The following BBX variants were observed in gnomAD, a reference collection of about 807,000 sequenced individuals.
The protein encoded by BBX is HMG box transcription factor BBX.
A neutral mutation model predicts 100.2 loss-of-function variants in BBX; 30 were observed. The observed-to-expected ratio is 0.30, with a 90% confidence interval of 0.22 to 0.41. The LOEUF is 0.41. BBX is among the 10% of genes least tolerant of loss of function. The pLI is 1.00. For missense variants in BBX, 1,023 were observed against 1,129.8 expected (o/e 0.91, Z 1.35); for synonymous variants, 376 against 388.1 (o/e 0.97, Z 0.37).
At chr3:107,524,713 TGTGTAGG>T (rs1488177845) in intron 1 of BBX, 3 of 141,512 alleles carry the variant, frequency 2.1e-5, no homozygotes, top group Admixed American at 1.5e-4. Context: ...TCCTTCCCAG[TGTGTAGG>T]GTCTAGTCAA....
intron 13 of BBX, among the ~76,000 whole-genome samples, chr3:107,787,954 A>C (rs2068608394): frequency 6.6e-6 from 1 of 152,088 alleles, no homozygotes; most frequent in African/African-American, 2.4e-5. Context: ...GACTCAAAGG[A>C]AAGGAGTGGC....
intron 13 of BBX, among the ~76,000 whole-genome samples, chr3:107,788,033 C>T (rs1471026430): frequency 6.6e-6 from 1 of 152,178 alleles, no homozygotes; most frequent in African/African-American, 2.4e-5. Flanking sequence ...TATAAGATTG[C>T]TGACTTTTCA....
At chr3:107,661,947 A>G in intron 3 of BBX, 1 of 965,710 alleles carries the variant, frequency 1.0e-6, no homozygotes, top group Middle Eastern at 5.3e-4. Context: ...CCACTGTAGT[A>G]AGTCATTCAG....
intron 7 of BBX, among the ~76,000 whole-genome samples, chr3:107,735,525 G>T (rs1430583387): frequency 6.6e-6 from 1 of 151,980 alleles, no homozygotes; most frequent in East Asian, 1.9e-4. Context: ...AACAGAGAAG[G>T]TTTTCTTTTG....
intron 10 of BBX, among the ~76,000 whole-genome samples, chr3:107,767,822 TCCTATGTCC>T (rs1423445216): frequency 6.6e-6 from 1 of 151,984 alleles, no homozygotes; most frequent in African/African-American, 2.4e-5. Context: ...TTTCCTTGGC[TCCTATGTCC>T]CCTGCTTCCA....
intron 6 of BBX, among the ~76,000 whole-genome samples, chr3:107,730,151 A>G (rs1349213599): frequency 6.6e-6 from 1 of 152,172 alleles, no homozygotes; most frequent in Non-Finnish European, 1.5e-5. Flanking sequence ...GGTGATTGCT[A>G]TGTGGGTGTC....
chr3:107,528,915 T>C (rs935806086), intron 2 of BBX, among the ~76,000 whole-genome samples: 21 of 152,148 alleles, frequency 1.4e-4, no homozygotes, highest in African/African-American at 5.1e-4. Flanking sequence ...ATAAAGAACA[T>C]GGGTAAAAGC....
At chr3:107,765,401 C>T (rs903967853) in intron 10 of BBX, among the ~76,000 whole-genome samples, 2 of 152,064 alleles carry the variant, frequency 1.3e-5, no homozygotes, top group Non-Finnish European at 2.9e-5. Context: ...GACAGTCTGG[C>T]TCTGGCTCCA....
At chr3:107,657,333 A>G (rs2058205924) in intron 3 of BBX, among the ~76,000 whole-genome samples, 1 of 152,190 alleles carries the variant, frequency 6.6e-6, no homozygotes. Context: ...AAGTTAATGG[A>G]TACTCAGTTT....
chr3:107,652,210 G>A (rs368871402), intron 3 of BBX, among the ~76,000 whole-genome samples: 2 of 151,982 alleles, frequency 1.3e-5, no homozygotes, highest in African/African-American at 2.4e-5. Context: ...TTTTTTGGAC[G>A]ATTTTTGTCT....
At position 107,700,417 on chromosome 3, in the gene BBX, T is replaced by C. The variant is rs13093565; in HGVS notation, c.-9-10035T>C. ...CAAAGGTATTTTCTTTCATCATCATTATTATTATTATTATTATTATTATTA... is the reference window on the plus strand; with the variant it reads ...CAAAGGTATTTTCTTTCATCATCATCATTATTATTATTATTATTATTATTA... On this transcript the variant is annotated intron_variant, in intron 3 of 17. Transcript: ENST00000325805. 4.7e-3 allele frequency among the ~76,000 whole-genome samples: 133 copies of C among 28,180 alleles called. 2 individuals are homozygous for C. Among genetic ancestry groups the C allele is most frequent in the African/African-American group, 0.024 (125 of 5,192 alleles). The allele number at this position is 28,180 out of a possible 152,430, so 18.5% of individuals were successfully genotyped here. A position where few individuals can be genotyped will look rare whatever the true frequency, so the allele number is the denominator to read the frequency against.
rs79873746 is a variant in BBX, at chr3:107,671,077, A to C, written c.-10+25168A>C. Among the ~76,000 whole-genome samples the C allele has an allele frequency of 1.7e-4, 26 of 151,210 alleles. 1 individual carries two copies. In the East Asian group the frequency reaches 5.0e-3, roughly 29 times the overall value. Reference sequence around the variant, plus strand: ...TCCTTCCTGTTGAGCATTTTAAAAAAATTTTTTGGAGTATTCTGATTTTTT... The same window carrying C: ...TCCTTCCTGTTGAGCATTTTAAAAACATTTTTTGGAGTATTCTGATTTTTT... On this transcript the variant is annotated intron_variant, in intron 3 of 17. Transcript: ENST00000325805.
chr3:107,773,448 C>T lies in BBX; in HGVS notation c.1727C>T (p.Pro576Leu), dbSNP rs757220895. ...ACACCAGAGGGTATAAAAGCAGAAC[C>T]ATTGACCCCTATGGAAGATGCACTA... ...GETPEGIKAE[P>L]LTPMEDALPP... is the part of the protein sequence containing the mutation. Residue 576 changes from proline to leucine, a missense_variant, in exon 11 of 18, where the codon CCA becomes CTA. Physicochemically the swap from Pro to Leu is moderately conservative, Grantham distance 98 (BLOSUM62 -3). This residue lies in a region of BBX where 348 missense variants were observed against 353.2 expected (regional missense o/e 0.99). Coordinates refer to ENST00000325805, the MANE Select transcript of BBX (RefSeq NM_001142568.3). This position sits in a 1 kb window ranked among gnomAD's most constrained non-coding sequence, Gnocchi z 4.1. The T allele has an allele frequency of 2.1e-5, 34 of 1,613,966 alleles. No homozygotes were observed. The highest frequency in any genetic ancestry group is 2.8e-5 in the Non-Finnish European group (33 of 1,179,982).
intron 2 of BBX, among the ~76,000 whole-genome samples, chr3:107,622,096 C>G (rs1249594614): frequency 6.6e-6 from 1 of 152,148 alleles, no homozygotes; most frequent in Non-Finnish European, 1.5e-5. Flanking sequence ...TGTAGTCATA[C>G]TTTCCTCCCA....
At chr3:107,557,344 AT>A (rs2107457526) in intron 2 of BBX, among the ~76,000 whole-genome samples, 1 of 152,326 alleles carries the variant, frequency 6.6e-6, no homozygotes, top group South Asian at 2.1e-4. Context: ...GTGCAAAATG[AT>A]TAGACATCAT....
At chr3:107,657,037 G>A (rs2058183371) in intron 3 of BBX, 1 of 152,036 alleles carries the variant, frequency 6.6e-6, no homozygotes. Context: ...GTTAAGGTGA[G>A]TTTACTTTTT....
chr3:107,710,374 C>CA, intron 3 of BBX, 78 bp from the exon 4 acceptor site: 1 of 1,208,270 alleles, frequency 8.3e-7, no homozygotes, highest in Admixed American at 2.7e-5. Context: ...TAATTGTAAT[C>CA]AAATTTACTT....
At chr3:107,731,306 T>G (rs768860528) in intron 6 of BBX, among the ~76,000 whole-genome samples, 1 of 152,152 alleles carries the variant, frequency 6.6e-6, no homozygotes, top group Non-Finnish European at 1.5e-5. Flanking sequence ...AACTAACACA[T>G]TTTTATCTTT....
intron 13 of BBX, among the ~76,000 whole-genome samples, chr3:107,778,928 T>C (rs2067560412): frequency 6.8e-6 from 1 of 147,576 alleles, no homozygotes; most frequent in Admixed American, 6.8e-5. Flanking sequence ...GATAAGCAGA[T>C]GCTAACTACT....
Sources: allele counts gnomAD v4.1 joint callset (sites outside exome capture counted in the v4.1 genomes callset), GRCh38; gene constraint gnomAD v4.1.1; regional missense constraint gnomAD v4.1.1; non-coding constraint Gnocchi (gnomAD v3.1); transcripts MANE v1.5; gene names NCBI Gene and HGNC (gene_info 2026-07-23, HGNC 2026-07-21).